RAB3GAP1: variants seen among roughly 807,000 people sequenced by gnomAD.
RAB3GAP1 encodes the protein rab3 GTPase-activating protein catalytic subunit.
RAB3GAP1 carries 86 observed loss-of-function variants against 130.7 expected under a neutral mutation model. The ratio of observed to expected loss-of-function variants is 0.66; its 90% CI spans 0.55 to 0.79. The LOEUF (loss-of-function observed/expected upper bound fraction) is 0.79. RAB3GAP1 is among the 30% of genes least tolerant of loss of function. RAB3GAP1 has a pLI of 0.00. For missense variants in RAB3GAP1, 1,029 were observed against 1,169.4 expected (o/e 0.88, Z 1.75); for synonymous variants, 367 against 401.7 (o/e 0.91, Z 1.03).
chr2:135,060,625 C>G (rs1474158884), intron 3 of RAB3GAP1, among the ~76,000 whole-genome samples: 1 of 151,956 alleles, frequency 6.6e-6, no homozygotes, highest in East Asian at 1.9e-4. Flanking sequence ...TAGAGGTCAT[C>G]TCTGTTACCC....
Position 135,091,082 on chromosome 2 carries a change from C to G in RAB3GAP1, c.235C>G (p.Leu79Val), listed in dbSNP as rs200332256. 5.0e-6 allele frequency: 8 copies of G among 1,603,480 alleles called. No individual in the cohort carries two copies. The East Asian group carries it at 1.6e-4, about 31-fold the overall frequency. ...DFKFSVTHHY[L>V]VQESTDKEGK... ...CAAGTTCTCAGTCACTCATCATTAT[C>G]TTGTACAAGAGTCCACTGATAAAGA... is the stretch of plus-strand genomic sequence containing the variant. Residue 79 changes from leucine (L) to valine (V), a missense_variant, in exon 4 of 24, where the codon CTT becomes GTT. By Grantham distance (32) the Leu-to-Val change is conservative (BLOSUM62 1). Coordinates refer to ENST00000264158, the MANE Select transcript of RAB3GAP1 (RefSeq NM_012233.3).
intron 3 of RAB3GAP1, among the ~76,000 whole-genome samples, chr2:135,068,865 T>C (rs2104838430): frequency 6.6e-6 from 1 of 152,344 alleles, no homozygotes; most frequent in Admixed American, 6.5e-5. Context: ...GAGTTTTTCA[T>C]AAATTAATAC....
chr2:135,074,295 C>T (rs1385392567), intron 3 of RAB3GAP1, among the ~76,000 whole-genome samples: 1 of 152,154 alleles, frequency 6.6e-6, no homozygotes, highest in Non-Finnish European at 1.5e-5. Context: ...GCCAGTTATG[C>T]CAAACGTAGG....
chr2:135,095,702 C>A (rs1393943075), intron 5 of RAB3GAP1, among the ~76,000 whole-genome samples: 1 of 152,124 alleles, frequency 6.6e-6, no homozygotes, highest in Admixed American at 6.6e-5. Flanking sequence ...CAGGCAAAAA[C>A]AACAAGTTTT....
At chr2:135,102,017 G>A (rs1042842523) in intron 5 of RAB3GAP1, among the ~76,000 whole-genome samples, 2 of 152,164 alleles carry the variant, frequency 1.3e-5, no homozygotes, top group Non-Finnish European at 2.9e-5. Flanking sequence ...CCCAGAGATG[G>A]TCCACAACCT....
intron 3 of RAB3GAP1, among the ~76,000 whole-genome samples, chr2:135,081,327 A>AAAAAAAAAATAT (rs1363481112): frequency 1.1e-4 from 7 of 64,048 alleles, no homozygotes; most frequent in Admixed American, 5.7e-4. Context: ...AAAAAAAAAA[A>AAAAAAAAAATAT]ATATATATAT....
intron 18 of RAB3GAP1, among the ~76,000 whole-genome samples, chr2:135,151,517 A>G (rs1692173327): frequency 6.6e-6 from 1 of 152,186 alleles, no homozygotes; most frequent in Non-Finnish European, 1.5e-5. Context: ...TTTCCTGCTT[A>G]TTTTACCCAT....
intron 2 of RAB3GAP1, among the ~76,000 whole-genome samples, chr2:135,057,408 T>G (rs1431790448): frequency 6.6e-6 from 1 of 152,168 alleles, no homozygotes. Context: ...TTTTATTTAT[T>G]TATTTATTTT....
intron 5 of RAB3GAP1, among the ~76,000 whole-genome samples, chr2:135,100,101 T>G (rs1690410103): frequency 6.6e-6 from 1 of 152,174 alleles, no homozygotes; most frequent in African/African-American, 2.4e-5. Context: ...CTAATCTGGA[T>G]GCATGCCAGA....
At chr2:135,124,700 A>G (rs1691301639) in intron 9 of RAB3GAP1, among the ~76,000 whole-genome samples, 1 of 152,204 alleles carries the variant, frequency 6.6e-6, no homozygotes, top group Admixed American at 6.5e-5. Context: ...TGCTTTATTT[A>G]TTTTATAATT....
chr2:135,126,693 G>C, intron 11 of RAB3GAP1, 37 bp downstream of exon 11: 2 of 1,519,190 alleles, frequency 1.3e-6, no homozygotes, highest in Non-Finnish European at 1.8e-6. Context: ...AAATACTGCT[G>C]ATCTGCCTAA....
At position 135,146,710 on chromosome 2, in the gene RAB3GAP1, C is replaced by A. The variant is rs182817568; in HGVS notation, c.1924-3659C>A. ...TAAAAAACAGTAATAGATTAATTTGCGCATTCTAGAATTTTATGCAAATGG... is the reference window on the plus strand; with the variant it reads ...TAAAAAACAGTAATAGATTAATTTGAGCATTCTAGAATTTTATGCAAATGG... On this transcript the variant is annotated intron_variant, in intron 17 of 23. Transcript: ENST00000264158. Among the ~76,000 whole-genome samples, 15 of 152,210 alleles carry A rather than the reference C, an allele frequency of 9.9e-5. No homozygotes were observed. The East Asian group carries it at 1.9e-3, about 20-fold the overall frequency.
At chr2:135,073,558 G>T (rs918826392) in intron 3 of RAB3GAP1, among the ~76,000 whole-genome samples, 1 of 152,112 alleles carries the variant, frequency 6.6e-6, no homozygotes, top group South Asian at 2.1e-4. Context: ...ATCTCATTGG[G>T]GCAGTTTGCC....
chr2:135,103,018 A>T (rs1024080231), intron 5 of RAB3GAP1, among the ~76,000 whole-genome samples: 2 of 139,070 alleles, frequency 1.4e-5, no homozygotes, highest in Non-Finnish European at 3.0e-5. Flanking sequence ...AAAAAAAAAA[A>T]AAAAATCATT....
At chr2:135,136,718 G>T in intron 17 of RAB3GAP1, 1 of 1,286,202 alleles carries the variant, frequency 7.8e-7, no homozygotes, top group Non-Finnish European at 1.0e-6. Flanking sequence ...AGAACTCATT[G>T]TTCAGTATGA....
chr2:135,150,620 G>A, intron 18 of RAB3GAP1, 114 bp downstream of exon 18: 3 of 1,343,080 alleles, frequency 2.2e-6, no homozygotes, highest in South Asian at 1.2e-5. Flanking sequence ...TTAAGTGTTT[G>A]GATTTCATTA....
At chr2:135,071,935 A>C (rs1689485753) in intron 3 of RAB3GAP1, among the ~76,000 whole-genome samples, 1 of 152,046 alleles carries the variant, frequency 6.6e-6, no homozygotes, top group Non-Finnish European at 1.5e-5. Context: ...TCTTTTTGAA[A>C]TGAGTCTCGC....
At chr2:135,112,328 G>A (rs1690828566) in intron 5 of RAB3GAP1, among the ~76,000 whole-genome samples, 1 of 152,198 alleles carries the variant, frequency 6.6e-6, no homozygotes, top group Non-Finnish European at 1.5e-5. Context: ...CCAGCCAAAA[G>A]GCTAAAGTTT....
chr2:135,086,661 CTTTTTTTTTTTTTT>C (rs59270938), intron 3 of RAB3GAP1, among the ~76,000 whole-genome samples: 2 of 65,068 alleles, frequency 3.1e-5, no homozygotes, highest in East Asian at 4.6e-4. Context: ...TTCCCCTAAT[CTTTTTTTTTTTTTT>C]TTTTTTTTTT....
Sources: allele counts gnomAD v4.1 joint callset (sites outside exome capture counted in the v4.1 genomes callset), GRCh38; gene constraint gnomAD v4.1.1; transcripts MANE v1.5; gene names NCBI Gene and HGNC (gene_info 2026-07-23, HGNC 2026-07-21).